The following C5orf24 variants were observed in gnomAD, a reference collection of about 807,000 sequenced individuals.
C5orf24 encodes chromosome 5 open reading frame 24, also known as UPF0461 protein C5orf24.
A neutral mutation model predicts 9.8 loss-of-function variants in C5orf24; 4 were observed. That is an observed-to-expected ratio of 0.41 (90% CI 0.20 to 0.93). The LOEUF (loss-of-function observed/expected upper bound fraction) is 0.93. Ranked by LOEUF, C5orf24 falls within the 40% of genes least tolerant of loss-of-function variation. The pLI, the probability that C5orf24 is intolerant of heterozygous loss-of-function variation, is 0.33. For synonymous variants in C5orf24, 73 were observed against 81.3 expected (o/e 0.90, Z 0.55); for missense variants, 170 against 236.9 (o/e 0.72, Z 1.85).
intron 1 of C5orf24, among the ~76,000 whole-genome samples, chr5:134,847,439 G>T (rs1265292780): frequency 6.6e-6 from 1 of 151,960 alleles, no homozygotes; most frequent in Admixed American, 6.6e-5. Context: ...GGGATTATAG[G>T]CATGCGCCAC....
chr5:134,853,212 T>C (rs1424564132), intron 1 of C5orf24, among the ~76,000 whole-genome samples: 2 of 151,342 alleles, frequency 1.3e-5, no homozygotes, highest in Non-Finnish European at 2.9e-5. Flanking sequence ...AAATAAAAAA[T>C]TAGCCAGGCG....
intron 1 of C5orf24, among the ~76,000 whole-genome samples, chr5:134,847,459 C>T (rs1005779579): frequency 2.0e-5 from 3 of 152,042 alleles, no homozygotes; most frequent in South Asian, 4.1e-4. Flanking sequence ...CCACACCCAG[C>T]TAATTTTTGT....
At chr5:134,840,284 C>T in the C5orf24 span, among the ~76,000 whole-genome samples, 3 of 126,434 alleles carry the variant, frequency 2.4e-5, no homozygotes, top group South Asian at 2.6e-4. Context: ...TACAGCCTGG[C>T]GACAGAGCGA....
chr5:134,856,165 A>AAATTT lies in C5orf24; in HGVS notation c.*700_*701insTTTAA. The AAATTT allele has an allele frequency of 1.0e-6, 1 of 997,606 alleles. No individual in the cohort carries two copies. Among genetic ancestry groups the AAATTT allele is most frequent in the Non-Finnish European group, 1.2e-6 (1 of 827,558 alleles). The allele number at this position is 997,606 out of a possible 1,614,324, so 61.8% of individuals were successfully genotyped here. On this transcript the variant is annotated 3_prime_UTR_variant, in exon 2 of 2. Coordinates refer to ENST00000394976, the MANE Select transcript of C5orf24 (RefSeq NM_001135586.1). Reference sequence around the variant, plus strand: ...TAAGAGCATATATACCAAACACTACAAACAATTCATATTTACAGAAAATTT... The same window carrying AAATTT: ...TAAGAGCATATATACCAAACACTACAAATTTAACAATTCATATTTACAGAAAATTT...
Position 134,855,983 on chromosome 5 carries a change from C to T in C5orf24, c.*516C>T. 7.0e-6 allele frequency: 7 copies of T among 1,002,372 alleles called. No individual in the cohort carries two copies. The highest frequency in any genetic ancestry group is 8.4e-6 in the Non-Finnish European group (7 of 831,644). 62.1% of individuals were successfully genotyped at this position (1,002,372 alleles called of 1,614,324 possible). A position where few individuals can be genotyped will look rare whatever the true frequency, so the allele number is the denominator to read the frequency against. On this transcript the variant is annotated 3_prime_UTR_variant, in exon 2 of 2. Transcript: ENST00000394976. ...ATTTGTATGCTTTGGCATTTACATC[C>T]ACTTCAAATGTTAAAAAACTTATTT...
At chr5:134,837,483 A>G in the C5orf24 span, among the ~76,000 whole-genome samples, 1 of 152,134 alleles carries the variant, frequency 6.6e-6, no homozygotes, top group Non-Finnish European at 1.5e-5. Context: ...GCTCTCTGCT[A>G]TACACTGAAT....
Position 134,856,972 on chromosome 5 carries a change from T to C in C5orf24, c.*1505T>C, listed in dbSNP as rs1222416979. ...CAGTGAGACCATCTCATCCAAAAGA[T>C]TTTTTTTCCCCCAATGATGTTTGCT... is the stretch of plus-strand genomic sequence containing the variant. On this transcript the variant is annotated 3_prime_UTR_variant, in exon 2 of 2. Transcript: ENST00000394976. 79 of 1,004,656 alleles carry C rather than the reference T, an allele frequency of 7.9e-5. No homozygotes were observed. The highest frequency in any genetic ancestry group is 9.2e-5 in the Non-Finnish European group (77 of 833,186). The allele number at this position is 1,004,656 out of a possible 1,614,324, so 62.2% of individuals were successfully genotyped here.
chr5:134,852,964 G>A (rs993348126), intron 1 of C5orf24, among the ~76,000 whole-genome samples: 3 of 152,182 alleles, frequency 2.0e-5, no homozygotes, highest in African/African-American at 7.2e-5. Flanking sequence ...AGGAGATCAA[G>A]ACCATCCTGG....
At position 134,855,444 on chromosome 5, in the gene C5orf24, G is replaced by T; in HGVS notation, c.544G>T (p.Glu182Ter). The change falls in exon 2 of 2, where the codon GAA becomes TAA. Residue 182 changes from glutamate to a stop codon, truncating the protein, a stop_gained. Transcript: ENST00000394976. LOFTEE classifies it high-confidence loss of function. ...AVHGVEETSS[E>*]VKPPNE is the part of the protein sequence containing the mutation. ...TCATGGGGTAGAGGAAACTAGCAGT[G>T]AAGTCAAACCACCCAATGAGTGAAT... 1 of 1,614,190 alleles carries T rather than the reference G, an allele frequency of 6.2e-7. No homozygotes were observed. Among genetic ancestry groups the T allele is most frequent in the Non-Finnish European group, 8.5e-7 (1 of 1,180,032 alleles).
intron 1 of C5orf24, among the ~76,000 whole-genome samples, chr5:134,852,777 C>A (rs905176506): frequency 1.3e-5 from 2 of 152,240 alleles, no homozygotes; most frequent in African/African-American, 4.8e-5. Context: ...TGGCTCACGC[C>A]TATAATCCCA....
chr5:134,850,683 G>T (rs183245475), intron 1 of C5orf24, among the ~76,000 whole-genome samples: 3,079 of 151,544 alleles, frequency 0.02, 42 homozygotes, highest in South Asian at 0.032. Flanking sequence ...TACCATTTTG[G>T]CCAGGCTAGT....
At chr5:134,854,848 A>T in intron 1 of C5orf24, 50 bp from the exon 2 acceptor site, 3 of 1,568,310 alleles carry the variant, frequency 1.9e-6, no homozygotes, top group Non-Finnish European at 2.6e-6. Context: ...GCATACAGGT[A>T]TGTATTTGTG....
At chr5:134,849,647 CTT>C (rs35375521) in intron 1 of C5orf24, among the ~76,000 whole-genome samples, 9 of 76,974 alleles carry the variant, frequency 1.2e-4, no homozygotes, top group East Asian at 4.8e-4. Flanking sequence ...AAGTCAGTGT[CTT>C]TTTTTTTTTT....
upstream of C5orf24, among the ~76,000 whole-genome samples, chr5:134,840,936 G>T (rs1490538279): frequency 1.3e-5 from 2 of 152,158 alleles, no homozygotes; most frequent in African/African-American, 4.8e-5. Flanking sequence ...AGTCCCTCAG[G>T]AGGTGGAGCT....
rs529840605 is a variant in C5orf24, at chr5:134,856,406, C to T, written c.*939C>T. 5.0e-5 allele frequency: 37 copies of T among 734,726 alleles called. No homozygotes were observed. The highest frequency in any genetic ancestry group is 1.9e-4 in the African/African-American group (10 of 52,062). 45.5% of individuals were successfully genotyped at this position (734,726 alleles called of 1,614,324 possible). A position where few individuals can be genotyped will look rare whatever the true frequency, so the allele number is the denominator to read the frequency against. On this transcript the variant is annotated 3_prime_UTR_variant, in exon 2 of 2. Coordinates refer to ENST00000394976, the MANE Select transcript of C5orf24 (RefSeq NM_001135586.1). ...GCTCACACCCAGCACTTTGGGAGGC[C>T]GAGGCAGGCGGATCACTTGAGGTCA...
chr5:134,854,475 A>G (rs576354019), intron 1 of C5orf24, among the ~76,000 whole-genome samples: 81 of 152,376 alleles, frequency 5.3e-4, no homozygotes, highest in South Asian at 1.9e-3. Flanking sequence ...TAAAAGGCCA[A>G]CAGGAGGCAT....
chr5:134,849,155 T>C (rs1756083751), intron 1 of C5orf24, among the ~76,000 whole-genome samples: 1 of 151,798 alleles, frequency 6.6e-6, no homozygotes, highest in South Asian at 2.1e-4. Context: ...CTTCGGAGGC[T>C]GAGGCAGGAG....
chr5:134,856,130 T>C lies in C5orf24; in HGVS notation c.*663T>C. 1 of 1,000,090 alleles carries C rather than the reference T, an allele frequency of 1.0e-6. No individual in the cohort carries two copies. Among genetic ancestry groups the C allele is most frequent in the South Asian group, 4.7e-5 (1 of 21,272 alleles). The allele number at this position is 1,000,090 out of a possible 1,614,324, so 62.0% of individuals were successfully genotyped here. ...TTGAGCAGTGATAGGTTGTGTATTT[T>C]TTAATTGCCTAAGAGCATATATACC... On this transcript the variant is annotated 3_prime_UTR_variant, in exon 2 of 2. Coordinates refer to ENST00000394976, the MANE Select transcript of C5orf24 (RefSeq NM_001135586.1).
rs1756333421 is a variant in C5orf24 at position 134,857,040 on chromosome 5, G to A, written c.*1573G>A. On this transcript the variant is annotated 3_prime_UTR_variant, in exon 2 of 2. Coordinates refer to ENST00000394976, the MANE Select transcript of C5orf24 (RefSeq NM_001135586.1). ...AGGAAAAAAAGTATTAGGTAGATAT[G>A]TATAGTAGGGACAGAGGGAAATCTT... 3 of 1,065,648 alleles carry A rather than the reference G, an allele frequency of 2.8e-6. No individual in the cohort carries two copies. The African/African-American group carries it at 5.1e-5, about 18-fold the overall frequency. The allele number at this position is 1,065,648 out of a possible 1,614,324, so 66.0% of individuals were successfully genotyped here.
Sources: gnomAD v4.1 joint callset for allele counts (sites outside exome capture counted in the v4.1 genomes callset) on GRCh38, gnomAD v4.1.1 for gene constraint, MANE v1.5 for transcripts, NCBI Gene and HGNC (gene_info 2026-07-23, HGNC 2026-07-21) for gene names.